SDK1: variants seen among roughly 807,000 people sequenced by gnomAD.
The protein encoded by SDK1 is protein sidekick-1.
SDK1 carries 157 observed loss-of-function variants against 245.5 expected under a neutral mutation model. That is an observed-to-expected ratio of 0.64 (90% CI 0.56 to 0.73). The LOEUF (loss-of-function observed/expected upper bound fraction) is 0.73. Among genes scored for constraint, SDK1 ranks in the 30% least tolerant of loss-of-function variants. The pLI, the probability that SDK1 is intolerant of heterozygous loss-of-function variation, is 0.00. For missense variants in SDK1, 3,583 were observed against 3,002.3 expected, an observed-to-expected ratio of 1.19 and a Z score of -4.52; for synonymous variants, 1,647 against 1,278.5, an observed-to-expected ratio of 1.29 and a Z score of -6.15.
chr7:4,165,821 C>G (rs1781465117), intron 32 of SDK1, among the ~76,000 whole-genome samples: 2 of 151,546 alleles, frequency 1.3e-5, no homozygotes, highest in African/African-American at 4.9e-5. Flanking sequence ...GGGTCTTTCC[C>G]TGTCACCCAG....
chr7:3,898,911 A>C (rs1781691444), intron 5 of SDK1, among the ~76,000 whole-genome samples: 1 of 152,222 alleles, frequency 6.6e-6, no homozygotes, highest in African/African-American at 2.4e-5. Flanking sequence ...TTTACCTTTA[A>C]ATAAATGTAT....
At chr7:4,262,631 C>T (rs1307648187) in intron 44 of SDK1, among the ~76,000 whole-genome samples, 4 of 149,274 alleles carry the variant, frequency 2.7e-5, no homozygotes, top group Non-Finnish European at 4.5e-5. Flanking sequence ...TCCCCACCCT[C>T]GGAGGTCTCT....
intron 17 of SDK1, among the ~76,000 whole-genome samples, chr7:4,022,698 G>A (rs79586180): frequency 6.0e-4 from 91 of 152,070 alleles, no homozygotes; most frequent in Non-Finnish European, 9.7e-4. Flanking sequence ...AAGATCAGCA[G>A]TATGTAGTGA....
intron 4 of SDK1, among the ~76,000 whole-genome samples, chr7:3,747,681 G>T (rs567372980): frequency 2.5e-4 from 38 of 150,136 alleles, no homozygotes; most frequent in South Asian, 1.9e-3. Flanking sequence ...GTAACTAGAG[G>T]ATTTAACTTA....
intron 1 of SDK1, among the ~76,000 whole-genome samples, chr7:3,566,768 A>G (rs1020453375): frequency 6.6e-6 from 1 of 152,064 alleles, no homozygotes; most frequent in African/African-American, 2.4e-5. Context: ...AAAATAAGAG[A>G]TATGACCACA....
intron 2 of SDK1, among the ~76,000 whole-genome samples, chr7:3,636,071 T>C (rs928721778): frequency 1.6e-4 from 24 of 152,188 alleles, no homozygotes; most frequent in Admixed American, 2.0e-4. Context: ...ACGATCAACA[T>C]AGAAAAAGCT....
chr7:4,130,634 T>C (rs1375246125), intron 27 of SDK1: 1 of 152,456 alleles, frequency 6.6e-6, no homozygotes, highest in African/African-American at 2.4e-5. Context: ...TGGCCCAGGG[T>C]CCCCAGCTCC....
chr7:3,470,582 T>G (rs1480651235), intron 1 of SDK1, among the ~76,000 whole-genome samples: 1 of 152,102 alleles, frequency 6.6e-6, no homozygotes, highest in African/African-American at 2.4e-5. Context: ...GAGGTTAAAC[T>G]AGGTACGCTG....
intron 1 of SDK1, among the ~76,000 whole-genome samples, chr7:3,479,079 C>T (rs1342211746): frequency 1.3e-5 from 2 of 152,028 alleles, no homozygotes; most frequent in African/African-American, 4.8e-5. Context: ...CTTCATGGTC[C>T]AGTATGTGGT....
chr7:3,903,352 C>G (rs1211097991), intron 5 of SDK1, among the ~76,000 whole-genome samples: 1 of 152,018 alleles, frequency 6.6e-6, no homozygotes, highest in African/African-American at 2.4e-5. Context: ...ACCGTGTTAG[C>G]CAGGATGGTC....
At chr7:4,235,225 C>T (rs924499248) in intron 41 of SDK1, among the ~76,000 whole-genome samples, 9 of 152,020 alleles carry the variant, frequency 5.9e-5, no homozygotes, top group Admixed American at 3.3e-4. Flanking sequence ...AGTGCAGTGG[C>T]GTGATCTTAG....
intron 4 of SDK1, among the ~76,000 whole-genome samples, chr7:3,659,937 G>A (rs181794220): frequency 6.6e-6 from 1 of 152,164 alleles, no homozygotes; most frequent in African/African-American, 2.4e-5. Context: ...GCCCTTGGGG[G>A]AATCTTTTAC....
chr7:3,320,662 A>T (rs1000722181), intron 1 of SDK1, among the ~76,000 whole-genome samples: 8 of 152,166 alleles, frequency 5.3e-5, no homozygotes, highest in African/African-American at 1.9e-4. Flanking sequence ...GCCCTGTTTT[A>T]ATATTAATCA....
intron 1 of SDK1, among the ~76,000 whole-genome samples, chr7:3,429,007 C>T (rs2128583494): frequency 6.6e-6 from 1 of 152,298 alleles, no homozygotes. Context: ...AGTTAGTTCT[C>T]TTAGGAATAA....
At chr7:3,792,195 C>T (rs1395435228) in intron 4 of SDK1, among the ~76,000 whole-genome samples, 1 of 152,134 alleles carries the variant, frequency 6.6e-6, no homozygotes, top group Non-Finnish European at 1.5e-5. Flanking sequence ...TCATAACTGC[C>T]TGGCTCCAGA....
chr7:3,954,898 GAC>G (rs1205482889), intron 7 of SDK1, among the ~76,000 whole-genome samples: 2 of 151,956 alleles, frequency 1.3e-5, no homozygotes, highest in Non-Finnish European at 2.9e-5. Flanking sequence ...TCAGTTATGT[GAC>G]ACACATTTTT....
At position 4,210,048 on chromosome 7, in the gene SDK1, G is replaced by C; in HGVS notation, c.5425G>C (p.Ala1809Pro). The part of the protein sequence containing the change: ...QAAPGAPSFL[A>P]FSEITSTTLN... ...AGCCCCTGGGGCCCCCAGCTTTCTG[G>C]CGTTCTCAGAAATAACCTCCACCAC... Residue 1809 changes from alanine (A) to proline (P), a missense_variant, in exon 38 of 45, where the codon GCG (alanine) becomes CCG (proline). Ala to Pro is a conservative substitution (Grantham distance 27). Coordinates refer to ENST00000404826, the MANE Select transcript of SDK1 (RefSeq NM_152744.4). 2 of 1,593,804 alleles carry C rather than the reference G, an allele frequency of 1.3e-6. No homozygotes were observed. The highest frequency in any genetic ancestry group is 1.7e-6 in the Non-Finnish European group (2 of 1,172,326).
chr7:3,502,662 T>G (rs368594997), intron 1 of SDK1, among the ~76,000 whole-genome samples: 1 of 152,238 alleles, frequency 6.6e-6, no homozygotes, highest in Non-Finnish European at 1.5e-5. Context: ...TATACACTTA[T>G]ATTTTTTAAT....
chr7:3,652,681 T>A (rs1369472235), intron 4 of SDK1, among the ~76,000 whole-genome samples: 2 of 152,104 alleles, frequency 1.3e-5, no homozygotes, highest in Non-Finnish European at 2.9e-5. Flanking sequence ...TATGGGGACT[T>A]TTGAGAGCAA....
Sources: gnomAD v4.1 joint callset for allele counts (sites outside exome capture counted in the v4.1 genomes callset) on GRCh38, gnomAD v4.1.1 for gene constraint, MANE v1.5 for transcripts, NCBI Gene and HGNC (gene_info 2026-07-23, HGNC 2026-07-21) for gene names.